TBC1D19: variants seen among roughly 807,000 people sequenced by gnomAD.
TBC1D19 encodes the protein TBC1 domain family, member 19.
TBC1D19 carries 60 observed loss-of-function variants against 89.0 expected under a neutral mutation model. The observed-to-expected ratio is 0.67, with a 90% CI of 0.55 to 0.84. TBC1D19 has a LOEUF of 0.84. TBC1D19 is among the 40% of genes least tolerant of loss of function. The probability of loss-of-function intolerance (pLI) is 0.00; values close to 1 mark genes in which losing one functional copy is unlikely to be tolerated. For synonymous variants in TBC1D19, 189 were observed against 199.7 expected, an observed-to-expected ratio of 0.95 and a Z score of 0.45; for missense variants, 500 against 610.8, an observed-to-expected ratio of 0.82 and a Z score of 1.91.
the TBC1D19 span, among the ~76,000 whole-genome samples, chr4:26,838,581 T>C: frequency 6.6e-6 from 1 of 152,198 alleles, no homozygotes; most frequent in Non-Finnish European, 1.5e-5. Context: ...AAAAGCTCCA[T>C]ATCTCCTGAA....
At chr4:26,684,506 T>C (rs976997667) in intron 12 of TBC1D19, among the ~76,000 whole-genome samples, 2 of 152,178 alleles carry the variant, frequency 1.3e-5, no homozygotes, top group African/African-American at 4.8e-5. Context: ...CATCTGGCCA[T>C]GCTCAGGTTA....
intron 9 of TBC1D19, among the ~76,000 whole-genome samples, chr4:26,670,236 T>TTA (rs1378193405): frequency 1.3e-5 from 2 of 150,372 alleles, no homozygotes; most frequent in African/African-American, 4.9e-5. Context: ...TATAATCATT[T>TTA]TATATATATA....
rs374051466 is a variant in TBC1D19 at position 26,674,793 on chromosome 4, T to C, written c.816+905T>C. ...CATAAATGATCACCATTAATAAAAG[T>C]AATCATAAGAGTTACATATTACATT... On this transcript the variant is annotated intron_variant, in intron 11 of 20. Coordinates refer to ENST00000264866, the MANE Select transcript of TBC1D19 (RefSeq NM_018317.4). Among the ~76,000 whole-genome samples, 26 of 152,142 alleles carry C rather than the reference T, an allele frequency of 1.7e-4. No homozygotes were observed. The East Asian group carries it at 3.9e-3, about 23-fold the overall frequency.
the TBC1D19 span, among the ~76,000 whole-genome samples, chr4:26,813,544 A>G: frequency 2.0e-5 from 3 of 152,174 alleles, no homozygotes; most frequent in Non-Finnish European, 4.4e-5. Flanking sequence ...GCTACATAAT[A>G]TATAGTTTAT....
intron 1 of TBC1D19, among the ~76,000 whole-genome samples, chr4:26,597,802 A>G (rs1392003699): frequency 6.6e-6 from 1 of 151,922 alleles, no homozygotes; most frequent in Non-Finnish European, 1.5e-5. Context: ...GATATACTTC[A>G]TATTCTGTTT....
At chr4:26,604,154 T>TC (rs1740816151) in intron 1 of TBC1D19, among the ~76,000 whole-genome samples, 1 of 114,818 alleles carries the variant, frequency 8.7e-6, no homozygotes, top group Admixed American at 1.0e-4. Context: ...TTTTCTTTTT[T>TC]TTTTTTTTTT....
chr4:26,592,117 G>T (rs1739855411), intron 1 of TBC1D19, among the ~76,000 whole-genome samples: 1 of 152,184 alleles, frequency 6.6e-6, no homozygotes, highest in Non-Finnish European at 1.5e-5. Context: ...GAATCCAGCA[G>T]CACATCAAAA....
At chr4:26,657,860 T>G (rs1328233776) in intron 7 of TBC1D19, among the ~76,000 whole-genome samples, 1 of 152,230 alleles carries the variant, frequency 6.6e-6, no homozygotes, top group African/African-American at 2.4e-5. Flanking sequence ...TTTTTATATG[T>G]TTCTTGGCTG....
At chr4:26,793,722 CAAAAAAAAA>C in the TBC1D19 span, among the ~76,000 whole-genome samples, 1 of 79,002 alleles carries the variant, frequency 1.3e-5, no homozygotes, top group Non-Finnish European at 2.4e-5. Context: ...GACTTCGTCT[CAAAAAAAAA>C]AAAAAAAAAA....
intron 7 of TBC1D19, among the ~76,000 whole-genome samples, chr4:26,653,570 A>G (rs1481845782): frequency 6.6e-6 from 1 of 152,114 alleles, no homozygotes; most frequent in Non-Finnish European, 1.5e-5. Context: ...TATTGGGTGC[A>G]TATATATTTA....
At chr4:26,692,797 C>T (rs1714416464) in intron 13 of TBC1D19, among the ~76,000 whole-genome samples, 1 of 152,162 alleles carries the variant, frequency 6.6e-6, no homozygotes, top group African/African-American at 2.4e-5. Flanking sequence ...CAAAAATGAC[C>T]TCACAAAGGA....
At chr4:26,681,295 T>C (rs1713315844) in intron 11 of TBC1D19, among the ~76,000 whole-genome samples, 1 of 151,852 alleles carries the variant, frequency 6.6e-6, no homozygotes, top group Non-Finnish European at 1.5e-5. Context: ...TCCCAGCACT[T>C]TGGGAGGCTG....
the TBC1D19 span, among the ~76,000 whole-genome samples, chr4:26,768,731 A>C: frequency 6.6e-6 from 1 of 152,102 alleles, no homozygotes; most frequent in African/African-American, 2.4e-5. Context: ...AGAAAAGATT[A>C]GTGAATCATG....
intron 20 of TBC1D19, 147 bp downstream of exon 20, chr4:26,754,037 T>C (rs1719130701): frequency 1.5e-6 from 1 of 661,392 alleles, no homozygotes; most frequent in Admixed American, 2.9e-5. Context: ...GAGCTAATAA[T>C]ACTTAAGGAT....
At chr4:26,807,781 G>C in the TBC1D19 span, among the ~76,000 whole-genome samples, 1 of 152,178 alleles carries the variant, frequency 6.6e-6, no homozygotes, top group Non-Finnish European at 1.5e-5. Context: ...CTTATTTACA[G>C]AACATATCAG....
chr4:26,728,163 A>AT (rs1717425342), intron 15 of TBC1D19, among the ~76,000 whole-genome samples: 1 of 152,210 alleles, frequency 6.6e-6, no homozygotes, highest in Admixed American at 6.5e-5. Context: ...AGATGAAAAT[A>AT]TTAATAATGT....
Position 26,638,710 on chromosome 4 carries a change from T to TA in TBC1D19, c.370-60dup, listed in dbSNP as rs1340683136. ...TAAATAAGTTATTGATTCTTGTTTT[T>TA]AGTTGTATTGCTAGACTTCAAAAAA... On this transcript the variant is annotated intron_variant, in intron 5 of 20. Transcript: ENST00000264866. 4.0e-6 allele frequency: 5 copies of TA among 1,254,608 alleles called. No homozygotes were observed. The East Asian group carries it at 9.4e-5, about 23-fold the overall frequency. The allele number at this position is 1,254,608 out of a possible 1,614,324, so 77.7% of individuals were successfully genotyped here. A position where few individuals can be genotyped will look rare whatever the true frequency, so the allele number is the denominator to read the frequency against.
chr4:26,681,448 G>T (rs1420519633), intron 11 of TBC1D19, among the ~76,000 whole-genome samples: 1 of 152,056 alleles, frequency 6.6e-6, no homozygotes, highest in Non-Finnish European at 1.5e-5. Flanking sequence ...CTACTCGGGA[G>T]GCTGGAGCAG....
chr4:26,786,207 T>A, the TBC1D19 span, among the ~76,000 whole-genome samples: 1 of 152,212 alleles, frequency 6.6e-6, no homozygotes, highest in African/African-American at 2.4e-5. Context: ...TCCTGGGACG[T>A]GGCTGCCCAT....
Sources: allele counts gnomAD v4.1 joint callset (sites outside exome capture counted in the v4.1 genomes callset), GRCh38; gene constraint gnomAD v4.1.1; transcripts MANE v1.5; gene names NCBI Gene and HGNC (gene_info 2026-07-23, HGNC 2026-07-21).